Variants in CTNNA3 observed in about 807,000 individuals in gnomAD.
CTNNA3 encodes catenin alpha 3.
A neutral mutation model predicts 95.7 loss-of-function variants in CTNNA3; 76 were observed. The ratio of observed to expected loss-of-function variants is 0.79; its 90% confidence interval spans 0.66 to 0.96. The LOEUF is 0.96. Among genes scored for constraint, CTNNA3 ranks in the 40% least tolerant of loss-of-function variants. CTNNA3 has a pLI of 0.00. For missense variants in CTNNA3, 1,191 were observed against 1,089.8 expected, an observed-to-expected ratio of 1.09 and a Z score of -1.31; for synonymous variants, 431 against 374.4, an observed-to-expected ratio of 1.15 and a Z score of -1.74.
intron 13 of CTNNA3, among the ~76,000 whole-genome samples, chr10:66,170,487 C>T (rs2085362019): frequency 6.6e-6 from 1 of 151,818 alleles, no homozygotes; most frequent in African/African-American, 2.4e-5. Context: ...CTGATACCAA[C>T]CATGCACCAA....
At chr10:66,216,733 G>T (rs2131966220) in intron 13 of CTNNA3, among the ~76,000 whole-genome samples, 1 of 152,152 alleles carries the variant, frequency 6.6e-6, no homozygotes, top group South Asian at 2.1e-4. Flanking sequence ...ATATTCACAA[G>T]AATTTGCAAG....
At chr10:67,719,773 T>A (rs1032018021) in intron 1 of CTNNA3, among the ~76,000 whole-genome samples, 3 of 152,170 alleles carry the variant, frequency 2.0e-5, no homozygotes, top group Non-Finnish European at 4.4e-5. Context: ...GAATGTATAT[T>A]CTGTTGATTT....
intron 5 of CTNNA3, among the ~76,000 whole-genome samples, chr10:67,253,070 G>A (rs889345117): frequency 6.6e-6 from 1 of 152,044 alleles, no homozygotes; most frequent in African/African-American, 2.4e-5. Context: ...ATAACTTTAT[G>A]GGTTCTCTTT....
chr10:67,563,579 C>T (rs901904652), intron 3 of CTNNA3, among the ~76,000 whole-genome samples: 3 of 152,076 alleles, frequency 2.0e-5, no homozygotes, highest in African/African-American at 4.8e-5. Context: ...GACATAGGCA[C>T]AGGCAAGGAC....
intron 15 of CTNNA3, among the ~76,000 whole-genome samples, chr10:65,994,129 T>G (rs1010602970): frequency 6.6e-6 from 1 of 152,222 alleles, no homozygotes; most frequent in African/African-American, 2.4e-5. Context: ...CTGGATGTTT[T>G]GTGTATACTT....
At chr10:66,844,725 A>C (rs1843187208) in intron 7 of CTNNA3, among the ~76,000 whole-genome samples, 1 of 152,104 alleles carries the variant, frequency 6.6e-6, no homozygotes, top group African/African-American at 2.4e-5. Flanking sequence ...TCATTACATT[A>C]CATGACAGAG....
intron 7 of CTNNA3, among the ~76,000 whole-genome samples, chr10:66,832,053 T>C (rs1489173508): frequency 6.6e-6 from 1 of 152,170 alleles, no homozygotes; most frequent in East Asian, 1.9e-4. Flanking sequence ...ACACAGCCAC[T>C]CATCCTGAAA....
chr10:67,103,146 A>C (rs1858436950), intron 7 of CTNNA3, among the ~76,000 whole-genome samples: 2 of 151,816 alleles, frequency 1.3e-5, no homozygotes, highest in Non-Finnish European at 2.9e-5. Flanking sequence ...ATGCATGCTA[A>C]GTTTTGAAAA....
chr10:66,619,915 G>A (rs963627683), intron 10 of CTNNA3, among the ~76,000 whole-genome samples: 5 of 151,952 alleles, frequency 3.3e-5, no homozygotes, highest in Admixed American at 6.6e-5. Context: ...ATATTTATAA[G>A]TCCTTATGGG....
intron 5 of CTNNA3, among the ~76,000 whole-genome samples, chr10:67,455,580 A>C (rs1253061931): frequency 6.6e-6 from 1 of 152,182 alleles, no homozygotes; most frequent in Non-Finnish European, 1.5e-5. Context: ...ATCATTGATA[A>C]GTCATGTCAA....
chr10:66,079,832 T>C (rs890789626), intron 14 of CTNNA3, among the ~76,000 whole-genome samples: 1 of 152,038 alleles, frequency 6.6e-6, no homozygotes, highest in Non-Finnish European at 1.5e-5. Flanking sequence ...AAATCTATTC[T>C]CATTATATTA....
At chr10:67,204,189 C>T (rs1037112580) in intron 6 of CTNNA3, among the ~76,000 whole-genome samples, 12 of 152,014 alleles carry the variant, frequency 7.9e-5, no homozygotes, top group African/African-American at 2.2e-4. Context: ...GGTTTGGATA[C>T]GCACGTCCCC....
intron 7 of CTNNA3, among the ~76,000 whole-genome samples, chr10:67,043,731 T>C (rs1043857661): frequency 1.1e-4 from 17 of 152,188 alleles, no homozygotes; most frequent in Non-Finnish European, 4.4e-5. Context: ...TCTTTTCATC[T>C]ATCATTGGTA....
At chr10:65,966,937 A>G (rs2077980583) in intron 16 of CTNNA3, among the ~76,000 whole-genome samples, 191 bp from the exon 17 acceptor site, 1 of 152,146 alleles carries the variant, frequency 6.6e-6, no homozygotes, top group Non-Finnish European at 1.5e-5. Context: ...TAGTTACTTC[A>G]GCTTAGCCAA....
intron 7 of CTNNA3, among the ~76,000 whole-genome samples, chr10:66,979,572 G>A (rs1379734225): frequency 6.6e-6 from 1 of 152,040 alleles, no homozygotes; most frequent in African/African-American, 2.4e-5. Context: ...CTGGCCATGC[G>A]ACCTGGAAGA....
Position 67,040,667 on chromosome 10 carries a change from T to C in CTNNA3, c.1047+139650A>G, listed in dbSNP as rs192810231. Among the ~76,000 whole-genome samples, 45 of 152,250 alleles carry C rather than the reference T, an allele frequency of 3.0e-4. No homozygotes were observed. The East Asian group carries it at 7.9e-3, about 27-fold the overall frequency. On this transcript the variant is annotated intron_variant, in intron 7 of 17. Transcript: ENST00000433211. The stretch of plus-strand genomic sequence containing the variant: ...GACATTATTAAGATGATGACACTGA[T>C]GGTGATGCAAATTAAAACCCCTGAG...
chr10:66,059,253 A>G (rs914497774), intron 15 of CTNNA3, among the ~76,000 whole-genome samples: 2 of 152,132 alleles, frequency 1.3e-5, no homozygotes, highest in Non-Finnish European at 2.9e-5. Flanking sequence ...ATTTCTGTCC[A>G]AAGTTCTCTT....
intron 7 of CTNNA3, among the ~76,000 whole-genome samples, chr10:66,902,852 C>A (rs1845814039): frequency 6.6e-6 from 1 of 152,052 alleles, no homozygotes; most frequent in Non-Finnish European, 1.5e-5. Flanking sequence ...TCTGAATAGA[C>A]CAATAAGAGG....
At chr10:67,194,811 G>C (rs1295685054) in intron 6 of CTNNA3, among the ~76,000 whole-genome samples, 1 of 151,752 alleles carries the variant, frequency 6.6e-6, no homozygotes, top group East Asian at 1.9e-4. Flanking sequence ...CAGGGGATCA[G>C]AACACAATGA....
Sources: gnomAD v4.1 joint callset for allele counts (sites outside exome capture counted in the v4.1 genomes callset) on GRCh38, gnomAD v4.1.1 for gene constraint, MANE v1.5 for transcripts, NCBI Gene and HGNC (gene_info 2026-07-23, HGNC 2026-07-21) for gene names.